Variants in TRPM3 observed in about 807,000 individuals in gnomAD.
TRPM3 encodes long transient receptor potential channel 3.
In TRPM3, 77 loss-of-function variants were observed where a neutral mutation model predicts 181.2. The observed-to-expected ratio is 0.42, with a 90% CI of 0.35 to 0.51. The LOEUF is 0.51. TRPM3 is among the 20% of genes least tolerant of loss of function. The pLI, the probability that TRPM3 is intolerant of heterozygous loss-of-function variation, is 0.01. For synonymous variants in TRPM3, 745 were observed against 796.4 expected, an observed-to-expected ratio of 0.94 and a Z score of 1.09; for missense variants, 1,759 against 2,196.7, an observed-to-expected ratio of 0.80 and a Z score of 3.98.
At chr9:71,270,634 C>A (rs1006422856) in intron 1 of TRPM3, among the ~76,000 whole-genome samples, 15 of 152,130 alleles carry the variant, frequency 9.9e-5, no homozygotes, top group Admixed American at 7.2e-4. Context: ...TGCAACTGTC[C>A]CTTCCTGTGG....
intron 1 of TRPM3, among the ~76,000 whole-genome samples, chr9:70,984,259 T>G (rs7045070): frequency 0.032 from 4,862 of 152,324 alleles, 266 homozygotes; most frequent in African/African-American, 0.11. Context: ...CTACTTGTTT[T>G]CTGAGAGTGT....
At chr9:70,833,891 C>T (rs560356425) in intron 5 of TRPM3, among the ~76,000 whole-genome samples, 3 of 152,046 alleles carry the variant, frequency 2.0e-5, no homozygotes, top group South Asian at 2.1e-4. Flanking sequence ...CTTAGGATCA[C>T]GCATCTGTTT....
At chr9:71,440,046 C>A (rs1287317401) in intron 1 of TRPM3, among the ~76,000 whole-genome samples, 1 of 152,072 alleles carries the variant, frequency 6.6e-6, no homozygotes, top group Admixed American at 6.6e-5. Flanking sequence ...TGGCGTGAAC[C>A]CAGGAGGCGA....
intron 1 of TRPM3, among the ~76,000 whole-genome samples, chr9:71,357,481 T>C (rs1049541068): frequency 1.3e-5 from 2 of 152,146 alleles, no homozygotes; most frequent in East Asian, 1.9e-4. Flanking sequence ...GTTCTCTCCA[T>C]TGCATACAAA....
intron 1 of TRPM3, among the ~76,000 whole-genome samples, chr9:70,972,401 C>T (rs942571785): frequency 1.3e-5 from 2 of 152,126 alleles, no homozygotes; most frequent in African/African-American, 4.8e-5. Flanking sequence ...TAAGACTCCA[C>T]TTACATTAAA....
At chr9:70,546,847 C>T (rs1246220255) in intron 25 of TRPM3, among the ~76,000 whole-genome samples, 1 of 152,114 alleles carries the variant, frequency 6.6e-6, no homozygotes, top group African/African-American at 2.4e-5. Flanking sequence ...GCATCAGGGT[C>T]ATTGCTATAT....
In TRPM3 at chr9:70,771,763, G is replaced by T. The variant is rs926455625; in HGVS notation, c.1149-10039C>A. ...TCCCCTCCCCTCAGTGCTAATCAAG[G>T]TGCAGAAGACAGAGGCTTTTCTGCC... On this transcript the variant is annotated intron_variant, in intron 7 of 25. Transcript: ENST00000677713. Among the ~76,000 whole-genome samples, 4 of 152,188 alleles carry T rather than the reference G, an allele frequency of 2.6e-5. No individual in the cohort carries two copies. The East Asian group carries it at 7.7e-4, about 29-fold the overall frequency.
chr9:70,605,833 T>TATC (rs2060975965), intron 19 of TRPM3, among the ~76,000 whole-genome samples: 1 of 152,270 alleles, frequency 6.6e-6, no homozygotes, highest in South Asian at 2.1e-4. Context: ...GCCCTGGTTT[T>TATC]ATCATTTTGC....
chr9:71,192,378 T>C (rs1000148452), intron 1 of TRPM3, among the ~76,000 whole-genome samples: 1 of 151,830 alleles, frequency 6.6e-6, no homozygotes, highest in African/African-American at 2.4e-5. Context: ...ACTAATAAAT[T>C]AGTAAAAAAA....
chr9:71,282,655 T>C (rs994014724), intron 1 of TRPM3, among the ~76,000 whole-genome samples: 5 of 152,234 alleles, frequency 3.3e-5, no homozygotes, highest in Admixed American at 2.6e-4. Flanking sequence ...TGGCATGCTC[T>C]TTCTTGTTTA....
chr9:71,309,929 C>G (rs1298994365), intron 1 of TRPM3, among the ~76,000 whole-genome samples: 1 of 152,000 alleles, frequency 6.6e-6, no homozygotes, highest in Non-Finnish European at 1.5e-5. Context: ...ATCCCATAAA[C>G]TGATGTATGA....
At chr9:71,086,098 C>T (rs909612103) in intron 1 of TRPM3, among the ~76,000 whole-genome samples, 1 of 151,884 alleles carries the variant, frequency 6.6e-6, no homozygotes, top group Non-Finnish European at 1.5e-5. Flanking sequence ...AATGCAGGAA[C>T]AGAAAACCAA....
intron 1 of TRPM3, among the ~76,000 whole-genome samples, chr9:71,242,531 T>C (rs1206951961): frequency 6.6e-6 from 1 of 152,250 alleles, no homozygotes; most frequent in Non-Finnish European, 1.5e-5. Context: ...GATTCTATAG[T>C]ATTCAATTAG....
Position 71,011,782 on chromosome 9 carries a change from G to GTTTTTTTTTTTTT in TRPM3, c.177+109395_177+109396insAAAAAAAAAAAAA, listed in dbSNP as rs1246219196. Among the ~76,000 whole-genome samples the GTTTTTTTTTTTTT allele has an allele frequency of 1.4e-4, 13 of 93,244 alleles. 1 individual carries two copies. Among genetic ancestry groups the GTTTTTTTTTTTTT allele is most frequent in the Non-Finnish European group, 1.8e-4 (8 of 44,470 alleles). 61.2% of individuals were successfully genotyped at this position (93,244 alleles called of 152,430 possible). On this transcript the variant is annotated intron_variant, in intron 1 of 25. Coordinates refer to ENST00000677713, the MANE Select transcript of TRPM3 (RefSeq NM_001366145.2). ...GAATTCATCCATGGTTTTTTTTTTTGTTTTTTTGTTTTTTTTCAGACAGTA... is the reference window on the plus strand; with the variant it reads ...GAATTCATCCATGGTTTTTTTTTTTGTTTTTTTTTTTTTTTTTTTTGTTTTTTTTCAGACAGTA...
chr9:70,688,555 C>T (rs1004256973), intron 8 of TRPM3, among the ~76,000 whole-genome samples: 5 of 152,140 alleles, frequency 3.3e-5, no homozygotes, highest in African/African-American at 1.2e-4. Context: ...GGTTTTCCAT[C>T]AATCCTTTCT....
chr9:71,238,356 C>T (rs1417064970), intron 1 of TRPM3, among the ~76,000 whole-genome samples: 1 of 152,116 alleles, frequency 6.6e-6, no homozygotes, highest in Admixed American at 6.5e-5. Flanking sequence ...GTGATACACA[C>T]ACTGATGTCA....
chr9:71,191,791 TAAA>T (rs11322932), intron 1 of TRPM3, among the ~76,000 whole-genome samples: 4 of 119,454 alleles, frequency 3.3e-5, no homozygotes, highest in Middle Eastern at 4.0e-3. Context: ...ACAGAACATA[TAAA>T]AAAAAAAAAA....
chr9:71,328,568 A>C lies in TRPM3; in HGVS notation c.183+118085T>G, dbSNP rs548931653. 9.0e-4 allele frequency among the ~76,000 whole-genome samples: 137 copies of C among 152,290 alleles called. 1 individual carries two copies. The highest frequency in any genetic ancestry group is 3.2e-3 in the African/African-American group (133 of 41,558). On this transcript the variant is annotated intron_variant, in intron 1 of 24. Transcript: ENST00000357533. ...TTTTTTACTTTCCCAATTCTGAAAA[A>C]ATCCTTGGTAGAAAGGGACATAGAA...
At chr9:70,896,633 G>GA (rs1018533831) in intron 1 of TRPM3, among the ~76,000 whole-genome samples, 2 of 152,014 alleles carry the variant, frequency 1.3e-5, no homozygotes, top group African/African-American at 4.8e-5. Flanking sequence ...AATAACAAAA[G>GA]AAACAAAAAC....
Sources: gnomAD v4.1 joint callset for allele counts (sites outside exome capture counted in the v4.1 genomes callset) on GRCh38, gnomAD v4.1.1 for gene constraint, MANE v1.5 for transcripts, NCBI Gene and HGNC (gene_info 2026-07-23, HGNC 2026-07-21) for gene names.